ADCY7: variants seen among roughly 807,000 people sequenced by gnomAD.
ADCY7 encodes the protein adenylate cyclase type 7.
ADCY7 carries 72 observed loss-of-function variants against 120.6 expected under a neutral mutation model. The observed-to-expected ratio is 0.60, with a 90% CI of 0.49 to 0.73. ADCY7 has a LOEUF of 0.73. ADCY7 is among the 30% of genes least tolerant of loss of function. The probability of loss-of-function intolerance (pLI) is 0.00; values close to 1 mark genes in which losing one functional copy is unlikely to be tolerated. For missense variants in ADCY7, 1,227 were observed against 1,486.0 expected (o/e 0.83, Z 2.87); for synonymous variants, 661 against 628.0 (o/e 1.05, Z -0.78).
Position 50,304,499 on chromosome 16 carries a change from G to A in ADCY7, c.1508G>A (p.Arg503His), listed in dbSNP as rs150835400. The A allele has an allele frequency of 3.8e-5, 61 of 1,603,268 alleles. No individual in the cohort carries two copies. In the Middle Eastern group the frequency reaches 5.0e-4, roughly 13 times the overall value. The part of the protein sequence containing the change: ...AARPFAHLNH[R>H]ESVSSGETHV... ...CGGCCCTTTGCACATCTCAACCACC[G>A]TGAGAGCGTGAGCAGTGGTGAGACC... Residue 503 changes from arginine to histidine, a missense_variant, in exon 11 of 26, where the codon CGT (arginine) becomes CAT (histidine). Around this residue, in one of 5 missense-constraint regions of ADCY7, gnomAD observed 332 missense variants for 455.8 expected, o/e 0.73. Transcript: ENST00000673801.
At chr16:50,304,842 A>G in intron 11 of ADCY7, 83 bp from the exon 12 acceptor site, 4 of 1,568,590 alleles carry the variant, frequency 2.6e-6, no homozygotes, top group African/African-American at 1.3e-5. Flanking sequence ...CAAGTGCCGG[A>G]GGGGCTGAAC....
At position 50,314,012 on chromosome 16, in the gene ADCY7, A is replaced by C. The variant is rs2036637204; in HGVS notation, c.2806A>C (p.Thr936Pro). ...GVEKIKTIGS[T>P]YMAAAGLSVA... is the part of the protein sequence containing the mutation. ...GGAGAAGATCAAGACCATCGGCAGCACGTACATGGCAGCTGCAGGGCTCAG... is the reference window on the plus strand; with the variant it reads ...GGAGAAGATCAAGACCATCGGCAGCCCGTACATGGCAGCTGCAGGGCTCAG... The change falls in exon 23 of 26, where the codon ACG becomes CCG. Residue 936 changes from threonine (T) to proline (P), a missense_variant. By Grantham distance (38) the Thr-to-Pro change is conservative. Coordinates refer to ENST00000673801, the MANE Select transcript of ADCY7 (RefSeq NM_001114.5). 2 of 1,614,110 alleles carry C rather than the reference A, an allele frequency of 1.2e-6. No homozygotes were observed. The highest frequency in any genetic ancestry group is 2.7e-5 in the African/African-American group (2 of 74,948).
chr16:50,314,117 T>G, intron 23 of ADCY7, 55 bp downstream of exon 23: 6 of 1,512,950 alleles, frequency 4.0e-6, no homozygotes, highest in Non-Finnish European at 5.5e-6. Flanking sequence ...AAAGGTGACC[T>G]GTCACCTTAC....
chr16:50,299,153 G>A, intron 8 of ADCY7, 122 bp downstream of exon 8: 1 of 1,336,648 alleles, frequency 7.5e-7, no homozygotes, highest in Non-Finnish European at 9.9e-7. Context: ...GGTTGGGGGT[G>A]AAAGCAGCTT....
In ADCY7 at chr16:50,314,008, C is replaced by T. The variant is rs1567585351; in HGVS notation, c.2802C>T (p.Gly934=). The change falls in exon 23 of 26, where the codon GGC becomes GGT. Residue 934 remains glycine (G), a synonymous_variant. Coordinates refer to ENST00000673801, the MANE Select transcript of ADCY7 (RefSeq NM_001114.5). The part of the protein sequence containing the change: ...FSGVEKIKTI[G]STYMAAAGLS... ...GCGTGGAGAAGATCAAGACCATCGGCAGCACGTACATGGCAGCTGCAGGGC... is the reference window on the plus strand; with the variant it reads ...GCGTGGAGAAGATCAAGACCATCGGTAGCACGTACATGGCAGCTGCAGGGC... 4.3e-6 allele frequency: 7 copies of T among 1,614,232 alleles called. No individual in the cohort carries two copies. Among genetic ancestry groups the T allele is most frequent in the South Asian group, 1.1e-5 (1 of 91,086 alleles).
At chr16:50,249,359 G>C (rs112129228) in intron 1 of ADCY7, among the ~76,000 whole-genome samples, 1 of 152,194 alleles carries the variant, frequency 6.6e-6, no homozygotes, top group East Asian at 1.9e-4. Context: ...AGAATTGCTT[G>C]AACTCAGGAG....
At chr16:50,286,981 G>A (rs1043956565) in intron 1 of ADCY7, among the ~76,000 whole-genome samples, 2 of 151,682 alleles carry the variant, frequency 1.3e-5, no homozygotes, top group South Asian at 4.2e-4. Context: ...TATCTGTGCT[G>A]TCCAGTACAG....
chr16:50,313,011 A>G lies in ADCY7; in HGVS notation c.2726A>G (p.Asn909Ser). ...GGGCTGGAGTGCCTACGCCTGCTCA[A>G]TGAGATCATTGCCGACTTCGACGAG... The part of the protein sequence containing the change: ...KEGLECLRLL[N>S]EIIADFDELL... The change falls in exon 22 of 26, where the codon AAT (asparagine) becomes AGT (serine). Residue 909 changes from asparagine to serine, a missense_variant. Physicochemically the swap from Asn to Ser is conservative, Grantham distance 46. Transcript: ENST00000673801. 2.5e-6 allele frequency: 4 copies of G among 1,614,246 alleles called. No homozygotes were observed. Among genetic ancestry groups the G allele is most frequent in the South Asian group, 1.1e-5 (1 of 91,090 alleles).
At chr16:50,253,235 G>A (rs955845198) in intron 1 of ADCY7, among the ~76,000 whole-genome samples, 1 of 152,160 alleles carries the variant, frequency 6.6e-6, no homozygotes, top group African/African-American at 2.4e-5. Context: ...AAATTAAAAC[G>A]AGTCCATTTC....
intron 1 of ADCY7, among the ~76,000 whole-genome samples, chr16:50,281,607 C>T (rs2034271680): frequency 6.6e-6 from 1 of 152,224 alleles, no homozygotes. Context: ...ACACAGATCC[C>T]ACCACGACAG....
intron 8 of ADCY7, among the ~76,000 whole-genome samples, chr16:50,299,963 C>G (rs566846080): frequency 1.3e-5 from 2 of 152,148 alleles, no homozygotes; most frequent in Non-Finnish European, 2.9e-5. Flanking sequence ...CTCCCAGGGC[C>G]CCTGCTTCCC....
rs544984611 is a variant in ADCY7 at position 50,268,866 on chromosome 16, G to A, written c.-269+2186G>A. 2.3e-4 allele frequency among the ~76,000 whole-genome samples: 35 copies of A among 152,154 alleles called. No individual in the cohort carries two copies. In the South Asian group the frequency reaches 3.7e-3, roughly 16 times the overall value. On this transcript the variant is annotated intron_variant, in intron 1 of 25. Transcript: ENST00000673801. ...AGCCTGGGCAACATGGCGAAACCCCGTCTCTACAAAAAATACAAAAATTAG... is the reference window on the plus strand; with the variant it reads ...AGCCTGGGCAACATGGCGAAACCCCATCTCTACAAAAAATACAAAAATTAG...
chr16:50,299,034 AGGTCCTGGGCGGGCCCAGGCCCTG>A lies in ADCY7; in HGVS notation c.1076+11_1076+34del, dbSNP rs769067723. The A allele has an allele frequency of 1.2e-6, 2 of 1,608,800 alleles. No homozygotes were observed. The highest frequency in any genetic ancestry group is 2.2e-5 in the East Asian group (1 of 44,838). The stretch of plus-strand genomic sequence containing the variant: ...CTGGACATGTGCCAGGCCATCAAGT[AGGTCCTGGGCGGGCCCAGGCCCTG>A]GGTCCTGCCCTGTGGCGGACCCTCC... On this transcript the variant is annotated splice_donor_5th_base_variant and intron_variant, in intron 8 of 25. Transcript: ENST00000673801.
intron 3 of ADCY7, among the ~76,000 whole-genome samples, chr16:50,291,188 ACT>A (rs2034930065): frequency 6.6e-6 from 1 of 151,926 alleles, no homozygotes; most frequent in Non-Finnish European, 1.5e-5. Flanking sequence ...GCGGTAGCAC[ACT>A]CTGACCAGTG....
At chr16:50,304,610 A>G (rs2035942125) in intron 11 of ADCY7, 59 bp downstream of exon 11, 1 of 1,470,300 alleles carries the variant, frequency 6.8e-7, no homozygotes, top group Non-Finnish European at 9.2e-7. Flanking sequence ...GGAGCAGGAG[A>G]GTGAGTGCTG....
intron 2 of ADCY7, 105 bp from the exon 3 acceptor site, chr16:50,290,352 C>T (rs56141137): frequency 0.024 from 29,713 of 1,260,328 alleles, 422 homozygotes; most frequent in Non-Finnish European, 0.028. Context: ...ACACCCTTCA[C>T]GTGGAGGAAG....
intron 23 of ADCY7, 50 bp from the exon 24 acceptor site, chr16:50,314,242 G>A: frequency 3.2e-6 from 5 of 1,558,522 alleles, no homozygotes; most frequent in Non-Finnish European, 4.4e-6. Context: ...GGCCCACTAG[G>A]TCTGGGGGCT....
At chr16:50,299,358 C>T (rs1199016997) in intron 8 of ADCY7, among the ~76,000 whole-genome samples, 3 of 152,220 alleles carry the variant, frequency 2.0e-5, no homozygotes, top group Admixed American at 6.5e-5. Context: ...GGTAGGCAGC[C>T]GGGGGACCTT....
chr16:50,299,716 C>T (rs1231194505), intron 8 of ADCY7, among the ~76,000 whole-genome samples: 4 of 152,232 alleles, frequency 2.6e-5, no homozygotes, highest in Non-Finnish European at 5.9e-5. Flanking sequence ...GCCTGGCCTG[C>T]ACCACTGCCT....
Sources: allele counts gnomAD v4.1 joint callset (sites outside exome capture counted in the v4.1 genomes callset), GRCh38; gene constraint gnomAD v4.1.1; regional missense constraint gnomAD v4.1.1; transcripts MANE v1.5; gene names NCBI Gene and HGNC (gene_info 2026-07-23, HGNC 2026-07-21).